PHLPP1: variants seen among roughly 807,000 people sequenced by gnomAD.
PHLPP1 encodes the protein PH domain and leucine rich repeat protein phosphatase 1, also known as PH domain leucine-rich repeat-containing protein phosphatase 1.
PHLPP1 carries 42 observed loss-of-function variants against 117.2 expected under a neutral mutation model. The observed-to-expected ratio is 0.36, with a 90% CI of 0.28 to 0.46. The LOEUF is 0.46. Among genes scored for constraint, PHLPP1 ranks in the 20% least tolerant of loss-of-function variants. The probability of loss-of-function intolerance (pLI) is 1.00; values close to 1 mark genes in which losing one functional copy is unlikely to be tolerated. For synonymous variants in PHLPP1, 1,042 were observed against 970.7 expected (o/e 1.07, Z -1.37); for missense variants, 2,084 against 2,241.9 (o/e 0.93, Z 1.42).
intron 1 of PHLPP1, among the ~76,000 whole-genome samples, chr18:62,810,552 C>A (rs1914083407): frequency 6.6e-6 from 1 of 152,044 alleles, no homozygotes; most frequent in South Asian, 2.1e-4. Flanking sequence ...AAGAGATTAA[C>A]AACAATAACT....
At chr18:62,886,413 A>G (rs749906743) in intron 4 of PHLPP1, among the ~76,000 whole-genome samples, 6 of 152,186 alleles carry the variant, frequency 3.9e-5, no homozygotes, top group Non-Finnish European at 8.8e-5. Flanking sequence ...AGCTAGGACT[A>G]CAGGTGCACA....
rs184631711 is a variant in PHLPP1 at position 62,821,585 on chromosome 18, A to G, written c.1577-8450A>G. 3.2e-4 allele frequency among the ~76,000 whole-genome samples: 48 copies of G among 150,832 alleles called. No individual in the cohort carries two copies. In the East Asian group the frequency reaches 8.7e-3, roughly 27 times the overall value. ...AAAAAAAAAAAAGAAAAGAAAAAAG[A>G]AAAAGAAGATCAGTGAATATAAAAC... On this transcript the variant is annotated intron_variant, in intron 1 of 16. Transcript: ENST00000262719.
intron 1 of PHLPP1, among the ~76,000 whole-genome samples, chr18:62,726,203 A>C (rs1599014480): frequency 1.3e-5 from 2 of 151,876 alleles, no homozygotes; most frequent in Admixed American, 6.6e-5. Context: ...TATGGATGGG[A>C]GGGGGTGAGT....
At chr18:62,783,691 AT>A (rs35016193) in intron 1 of PHLPP1, among the ~76,000 whole-genome samples, 116,930 of 149,632 alleles carry the variant, frequency 0.78, 47,254 homozygotes, top group East Asian at 0.99. Flanking sequence ...TTCTTGATGC[AT>A]TTTTTTTTTT....
chr18:62,764,163 C>CA (rs34939800), intron 1 of PHLPP1, among the ~76,000 whole-genome samples: 1,849 of 78,906 alleles, frequency 0.023, 46 homozygotes, highest in Admixed American at 0.066. Context: ...AACTCCATCT[C>CA]AAAAAAAAAA....
intron 11 of PHLPP1, 111 bp downstream of exon 11, chr18:62,942,029 G>A (rs1910145811): frequency 3.8e-6 from 3 of 796,972 alleles, no homozygotes; most frequent in Non-Finnish European, 6.0e-6. Context: ...TTGTTTGCTT[G>A]TTCCTGCTCC....
At chr18:62,933,252 G>C (rs1909870814) in intron 10 of PHLPP1, among the ~76,000 whole-genome samples, 1 of 151,886 alleles carries the variant, frequency 6.6e-6, no homozygotes, top group Non-Finnish European at 1.5e-5. Flanking sequence ...CATGAAATTA[G>C]AAAAAAATTA....
intron 13 of PHLPP1, among the ~76,000 whole-genome samples, chr18:62,962,499 G>A (rs1399641116): frequency 6.6e-6 from 1 of 152,126 alleles, no homozygotes; most frequent in Non-Finnish European, 1.5e-5. Flanking sequence ...AGTAGAGACA[G>A]GGTTTCTCCA....
intron 3 of PHLPP1, among the ~76,000 whole-genome samples, chr18:62,852,793 C>CA (rs1915392155): frequency 6.6e-6 from 1 of 152,128 alleles, no homozygotes; most frequent in African/African-American, 2.4e-5. Context: ...ATAGAGGGGG[C>CA]AAAATCATCA....
At chr18:62,806,839 ATTTG>A (rs997883533) in intron 1 of PHLPP1, among the ~76,000 whole-genome samples, 3 of 152,052 alleles carry the variant, frequency 2.0e-5, no homozygotes, top group Admixed American at 6.6e-5. Context: ...TTCCTTTTAA[ATTTG>A]TTTGGGATTA....
chr18:62,859,448 A>G (rs143790481), intron 3 of PHLPP1, among the ~76,000 whole-genome samples: 316 of 152,334 alleles, frequency 2.1e-3, no homozygotes, highest in African/African-American at 7.3e-3. Context: ...TAGACATAAA[A>G]TAAGTTTTAC....
chr18:62,899,561 C>A (rs1420652581), intron 6 of PHLPP1, among the ~76,000 whole-genome samples: 1 of 152,202 alleles, frequency 6.6e-6, no homozygotes, highest in Non-Finnish European at 1.5e-5. Context: ...GTGGCACTTA[C>A]CACATACCTG....
chr18:62,961,243 CGT>C (rs1467614165), intron 13 of PHLPP1, among the ~76,000 whole-genome samples: 1 of 152,122 alleles, frequency 6.6e-6, no homozygotes, highest in Non-Finnish European at 1.5e-5. Context: ...TGCAGTGAGC[CGT>C]GTTACGCTAT....
intron 1 of PHLPP1, among the ~76,000 whole-genome samples, chr18:62,772,142 C>G (rs1178965377): frequency 7.9e-5 from 12 of 152,172 alleles, no homozygotes; most frequent in Admixed American, 7.9e-4. Flanking sequence ...ATGAAAAATT[C>G]TGAATTCTCA....
intron 1 of PHLPP1, among the ~76,000 whole-genome samples, chr18:62,821,825 C>T (rs1914467513): frequency 6.6e-6 from 1 of 150,882 alleles, no homozygotes; most frequent in African/African-American, 2.4e-5. Flanking sequence ...TGTTTCGGCT[C>T]ACTGCAACTT....
intron 14 of PHLPP1, among the ~76,000 whole-genome samples, chr18:62,965,221 TTTTTTGTTTTG>T (rs1910868694): frequency 6.6e-6 from 1 of 152,176 alleles, no homozygotes; most frequent in Non-Finnish European, 1.5e-5. Flanking sequence ...TTTTTTGGTG[TTTTTTGTTTTG>T]TTTTTGTTTG....
intron 1 of PHLPP1, among the ~76,000 whole-genome samples, chr18:62,806,434 C>T (rs909771484): frequency 6.6e-6 from 1 of 152,128 alleles, no homozygotes; most frequent in Non-Finnish European, 1.5e-5. Flanking sequence ...AGGCATAAGG[C>T]ATAAAAATGA....
chr18:62,862,674 A>G (rs1915662369), intron 4 of PHLPP1, among the ~76,000 whole-genome samples: 1 of 152,180 alleles, frequency 6.6e-6, no homozygotes, highest in Non-Finnish European at 1.5e-5. Context: ...ATAATCAGAT[A>G]AGTGTTTTCC....
At chr18:62,769,518 C>CT (rs1400104357) in intron 1 of PHLPP1, among the ~76,000 whole-genome samples, 6 of 151,962 alleles carry the variant, frequency 3.9e-5, no homozygotes, top group South Asian at 2.1e-4. Flanking sequence ...TAAAATGCAT[C>CT]TTTTTTTTAA....
Sources: gnomAD v4.1 joint callset for allele counts (sites outside exome capture counted in the v4.1 genomes callset) on GRCh38, gnomAD v4.1.1 for gene constraint, MANE v1.5 for transcripts, NCBI Gene and HGNC (gene_info 2026-07-23, HGNC 2026-07-21) for gene names.